NLRP12: variants seen among roughly 807,000 people sequenced by gnomAD.
NLRP12 encodes the protein NLR family pyrin domain containing 12.
A neutral mutation model predicts 91.2 loss-of-function variants in NLRP12; 108 were observed. The observed-to-expected ratio is 1.18, with a 90% confidence interval of 1.01 to 1.39. The LOEUF is 1.39. NLRP12 is among the 40% of genes most tolerant of loss of function. The pLI is 0.00. For missense variants in NLRP12, 1,530 were observed against 1,352.7 expected (o/e 1.13, Z -2.06); for synonymous variants, 613 against 566.7 (o/e 1.08, Z -1.16).
At chr19:53,802,664 A>G (rs1444242860) in intron 6 of NLRP12, among the ~76,000 whole-genome samples, 2 of 151,480 alleles carry the variant, frequency 1.3e-5, no homozygotes, top group African/African-American at 2.4e-5. Context: ...CAGAGATCAC[A>G]CCACTGCACT....
At chr19:53,823,856 C>A in intron 1 of NLRP12, 30 bp downstream of exon 1, 2 of 1,613,084 alleles carry the variant, frequency 1.2e-6, no homozygotes, top group Non-Finnish European at 1.7e-6. Flanking sequence ...GGCTGGCATT[C>A]TAGCCTTGCC....
chr19:53,818,946 A>G (rs2092205010), intron 1 of NLRP12, among the ~76,000 whole-genome samples: 1 of 152,126 alleles, frequency 6.6e-6, no homozygotes, highest in African/African-American at 2.4e-5. Context: ...ATGGAGGCCC[A>G]GGGGCATATC....
At chr19:53,822,356 G>T (rs1018922720) in intron 1 of NLRP12, among the ~76,000 whole-genome samples, 2 of 152,036 alleles carry the variant, frequency 1.3e-5, no homozygotes, top group African/African-American at 4.8e-5. Context: ...GGTCATTCAT[G>T]CCTGTAATCC....
chr19:53,823,328 C>G (rs1468734382), intron 1 of NLRP12, among the ~76,000 whole-genome samples: 2 of 128,226 alleles, frequency 1.6e-5, no homozygotes, highest in Non-Finnish European at 3.2e-5. Context: ...TAAATATATA[C>G]TATATTTATA....
chr19:53,809,037 C>G (rs2866113), intron 3 of NLRP12, among the ~76,000 whole-genome samples: 122,141 of 151,616 alleles, frequency 0.81, 49,233 homozygotes, highest in Admixed American at 0.85. Flanking sequence ...ACCAGCCTGG[C>G]TAACACAGCG....
chr19:53,810,522 G>GTACT lies in NLRP12; in HGVS notation c.1136_1137insAGTA (p.His379GlnfsTer100). The GTACT allele has an allele frequency of 6.2e-7, 1 of 1,614,138 alleles. No individual in the cohort carries two copies. Among genetic ancestry groups the GTACT allele is most frequent in the South Asian group, 1.1e-5 (1 of 91,090 alleles). On this transcript the variant is annotated frameshift_variant, in exon 3 of 10. Coordinates refer to ENST00000324134, the MANE Select transcript of NLRP12 (RefSeq NM_144687.4). LOFTEE classifies it high-confidence loss of function. Reference sequence around the variant, plus strand: ...AGACTTGGCCCGCCTGCTCTGCATTGTGGAAATACTTGTAGAAGTATTCCT... The same window carrying GTACT: ...AGACTTGGCCCGCCTGCTCTGCATTGTACTTGGAAATACTTGTAGAAGTATTCCT...
At chr19:53,809,497 C>CT (rs1444548772) in intron 3 of NLRP12, 90 bp downstream of exon 3, 2 of 1,347,078 alleles carry the variant, frequency 1.5e-6, no homozygotes, top group East Asian at 5.0e-5. Context: ...CGCCAGTGTA[C>CT]TCCAGCCTAG....
At chr19:53,802,750 G>A (rs1459944480) in intron 6 of NLRP12, among the ~76,000 whole-genome samples, 1 of 151,476 alleles carries the variant, frequency 6.6e-6, no homozygotes, top group Non-Finnish European at 1.5e-5. Flanking sequence ...ATTTTATGTT[G>A]CATGTATTTT....
intron 1 of NLRP12, among the ~76,000 whole-genome samples, chr19:53,818,086 A>ATT (rs57766213): frequency 0.036 from 5,155 of 144,402 alleles, 141 homozygotes; most frequent in African/African-American, 0.064. Flanking sequence ...CTGGTTGGCA[A>ATT]TTTTTTTTTT....
chr19:53,811,522 A>AT (rs1004505838), intron 2 of NLRP12, among the ~76,000 whole-genome samples: 1 of 151,478 alleles, frequency 6.6e-6, no homozygotes, highest in Non-Finnish European at 1.5e-5. Flanking sequence ...TCAAAAAAAA[A>AT]TTTTTTTTAA....
In NLRP12 at chr19:53,805,999, C is replaced by T. The variant is rs546912220; in HGVS notation, c.2244-549G>A. ...CTGTAATCTCAGCACTTTGGGAGGC[C>T]GAGGTGGGTGGATCACCTGAGGTCA... is the stretch of plus-strand genomic sequence containing the variant. On this transcript the variant is annotated intron_variant, in intron 4 of 9. Coordinates refer to ENST00000324134, the MANE Select transcript of NLRP12 (RefSeq NM_144687.4). 2.0e-4 allele frequency among the ~76,000 whole-genome samples: 30 copies of T among 151,712 alleles called. No homozygotes were observed. In the South Asian group the frequency reaches 5.7e-3, roughly 29 times the overall value.
In NLRP12 at chr19:53,809,922, G is replaced by A. The variant is rs1339537115; in HGVS notation, c.1737C>T (p.Leu579=). The change falls in exon 3 of 10, where the codon CTC becomes CTT. Residue 579 remains leucine (L), a synonymous_variant. Transcript: ENST00000324134. ...EETRSHLEKS[L]CWKVSPHIKM... ...TGATGTGCGGCGAGACCTTCCAGCA[G>A]AGACTCTTCTCCAGGTGGCTCCTGG... 4 of 1,614,088 alleles carry A rather than the reference G, an allele frequency of 2.5e-6. No individual in the cohort carries two copies. The highest frequency in any genetic ancestry group is 3.4e-6 in the Non-Finnish European group (4 of 1,180,034).
rs573864570 is a variant in NLRP12 at position 53,815,395 on chromosome 19, AT to A, written c.290-408del. On this transcript the variant is annotated intron_variant, in intron 1 of 9. Transcript: ENST00000324134. Reference sequence around the variant, plus strand: ...AGGTGTGCGCCACAATGCCTGGCTAATTTTTGTATTTTTAGTAGAGACGGGG... The same window carrying A: ...AGGTGTGCGCCACAATGCCTGGCTAATTTTGTATTTTTAGTAGAGACGGGG... Among the ~76,000 whole-genome samples, 296 of 151,476 alleles carry A rather than the reference AT, an allele frequency of 2.0e-3. 3 individuals carry two copies. The highest frequency in any genetic ancestry group is 2.4e-3 in the Non-Finnish European group (166 of 67,878).
At chr19:53,819,519 GTATA>G (rs556145827) in intron 1 of NLRP12, among the ~76,000 whole-genome samples, 2 of 82,656 alleles carry the variant, frequency 2.4e-5, no homozygotes, top group African/African-American at 1.0e-4. Flanking sequence ...ATACATATGT[GTATA>G]TATGTGTGTA....
At chr19:53,813,625 G>A (rs892059679) in intron 2 of NLRP12, among the ~76,000 whole-genome samples, 4 of 150,386 alleles carry the variant, frequency 2.7e-5, no homozygotes, top group African/African-American at 7.3e-5. Context: ...TCTACTTTCC[G>A]CCTCTGAATT....
intron 1 of NLRP12, among the ~76,000 whole-genome samples, chr19:53,817,195 G>A (rs550671755): frequency 2.0e-4 from 31 of 151,984 alleles, no homozygotes; most frequent in Non-Finnish European, 3.8e-4. Context: ...TTGGGAGGCC[G>A]AGGCAGGTGG....
At chr19:53,800,259 C>T (rs888191285) in intron 7 of NLRP12, among the ~76,000 whole-genome samples, 2 of 151,778 alleles carry the variant, frequency 1.3e-5, no homozygotes, top group Non-Finnish European at 2.9e-5. Context: ...AAGCTGAGAT[C>T]GCGCCACCGC....
At chr19:53,794,666 AT>A (rs74209618) in intron 9 of NLRP12, among the ~76,000 whole-genome samples, 1,989 of 133,570 alleles carry the variant, frequency 0.015, 48 homozygotes, top group African/African-American at 0.053. Context: ...TATGTTCTCC[AT>A]TTTTTTTTTC....
intron 2 of NLRP12, among the ~76,000 whole-genome samples, chr19:53,814,080 G>A (rs1274975705): frequency 6.6e-6 from 1 of 152,114 alleles, no homozygotes; most frequent in Non-Finnish European, 1.5e-5. Context: ...CAGTGTTGCT[G>A]TCTACCCAGC....
Sources: allele counts gnomAD v4.1 joint callset (sites outside exome capture counted in the v4.1 genomes callset), GRCh38; gene constraint gnomAD v4.1.1; transcripts MANE v1.5; gene names NCBI Gene and HGNC (gene_info 2026-07-23, HGNC 2026-07-21).